COL24A1: variants seen among roughly 807,000 people sequenced by gnomAD.
COL24A1 encodes collagen type XXIV alpha 1 chain, also known as collagen alpha-1(XXIV) chain.
In COL24A1, 224 loss-of-function variants were observed where a neutral mutation model predicts 253.9. That is an observed-to-expected ratio of 0.88 (90% CI 0.79 to 0.99). COL24A1 has a LOEUF of 0.99. COL24A1 is among the 50% of genes least tolerant of loss of function. The probability of loss-of-function intolerance (pLI) is 0.00; values close to 1 mark genes in which losing one functional copy is unlikely to be tolerated. For missense variants in COL24A1, 2,131 were observed against 2,068.5 expected, an observed-to-expected ratio of 1.03 and a Z score of -0.59; for synonymous variants, 685 against 673.7, an observed-to-expected ratio of 1.02 and a Z score of -0.26.
chr1:85,739,967 A>T (rs895163929), intron 57 of COL24A1, among the ~76,000 whole-genome samples: 2 of 152,026 alleles, frequency 1.3e-5, no homozygotes, highest in East Asian at 1.9e-4. Context: ...TTTCATCGGG[A>T]CCTACTATCA....
intron 19 of COL24A1, among the ~76,000 whole-genome samples, chr1:86,000,505 T>A (rs1695292964): frequency 6.6e-6 from 1 of 152,144 alleles, no homozygotes; most frequent in Admixed American, 6.5e-5. Flanking sequence ...CAAATCCAAG[T>A]CATAAAAGAT....
chr1:85,986,134 T>C (rs2100909343), intron 20 of COL24A1, among the ~76,000 whole-genome samples: 1 of 151,952 alleles, frequency 6.6e-6, no homozygotes, highest in East Asian at 1.9e-4. Context: ...TATTATTCAT[T>C]ATGATTATTA....
chr1:86,114,930 A>G (rs1705987896), intron 4 of COL24A1, among the ~76,000 whole-genome samples: 1 of 152,174 alleles, frequency 6.6e-6, no homozygotes, highest in Admixed American at 6.5e-5. Flanking sequence ...TCTAGTCAAT[A>G]GCTTCAGAAT....
chr1:85,803,857 G>C (rs1408095945), intron 47 of COL24A1, among the ~76,000 whole-genome samples: 2 of 152,032 alleles, frequency 1.3e-5, no homozygotes, highest in East Asian at 3.9e-4. Context: ...ACACTGGCTA[G>C]AACCTCATTG....
intron 53 of COL24A1, among the ~76,000 whole-genome samples, chr1:85,773,748 T>G (rs1010910871): frequency 6.6e-6 from 1 of 152,246 alleles, no homozygotes; most frequent in African/African-American, 2.4e-5. Flanking sequence ...TGAAGTTGCT[T>G]ATCAGCTTAA....
At chr1:85,733,348 T>C (rs995309313) in intron 59 of COL24A1, among the ~76,000 whole-genome samples, 3 of 152,122 alleles carry the variant, frequency 2.0e-5, no homozygotes, top group Non-Finnish European at 2.9e-5. Flanking sequence ...ATAGTAAGTA[T>C]TTTACATTTT....
chr1:85,822,078 T>A (rs1273324775), intron 45 of COL24A1, among the ~76,000 whole-genome samples: 1 of 152,218 alleles, frequency 6.6e-6, no homozygotes, highest in Admixed American at 6.5e-5. Context: ...TCTAAGTGAA[T>A]GACTTAACTA....
chr1:85,786,204 A>T, intron 48 of COL24A1, 150 bp downstream of exon 48: 3 of 579,224 alleles, frequency 5.2e-6, no homozygotes, highest in Non-Finnish European at 8.7e-6. Context: ...TGTCAAAACT[A>T]CATACTTTCT....
At chr1:86,016,629 T>C (rs1458275325) in intron 19 of COL24A1, among the ~76,000 whole-genome samples, 1 of 152,232 alleles carries the variant, frequency 6.6e-6, no homozygotes, top group African/African-American at 2.4e-5. Context: ...AAAATCCAAA[T>C]GTTTTATCTC....
intron 24 of COL24A1, among the ~76,000 whole-genome samples, chr1:85,925,480 G>A (rs955189870): frequency 6.6e-6 from 1 of 152,114 alleles, no homozygotes; most frequent in East Asian, 1.9e-4. Flanking sequence ...CAGAGCTATA[G>A]ATCAATGGAA....
intron 2 of COL24A1, among the ~76,000 whole-genome samples, chr1:86,139,072 C>A (rs1246333708): frequency 1.3e-5 from 2 of 151,732 alleles, no homozygotes; most frequent in South Asian, 4.2e-4. Context: ...ACTATATAAA[C>A]ACAGACAGCC....
At chr1:86,062,502 C>A (rs1192439957) in intron 8 of COL24A1, among the ~76,000 whole-genome samples, 1 of 151,812 alleles carries the variant, frequency 6.6e-6, no homozygotes, top group Non-Finnish European at 1.5e-5. Context: ...AAGTATATTA[C>A]CCTCAGAGAT....
intron 45 of COL24A1, among the ~76,000 whole-genome samples, chr1:85,822,335 A>G (rs1014328487): frequency 2.6e-5 from 4 of 152,188 alleles, no homozygotes; most frequent in African/African-American, 9.7e-5. Flanking sequence ...ATCTCAAATC[A>G]TTACTTTTTA....
chr1:85,793,134 CT>C (rs1670468932), intron 47 of COL24A1, among the ~76,000 whole-genome samples: 1 of 151,662 alleles, frequency 6.6e-6, no homozygotes, highest in African/African-American at 2.4e-5. Flanking sequence ...TATTTTCTTG[CT>C]TATGGTAAAA....
At chr1:85,792,303 C>T (rs111843413) in intron 47 of COL24A1, among the ~76,000 whole-genome samples, 1 of 151,716 alleles carries the variant, frequency 6.6e-6, no homozygotes, top group East Asian at 1.9e-4. Context: ...TGAATATCAT[C>T]TATGCATAAG....
intron 43 of COL24A1, among the ~76,000 whole-genome samples, chr1:85,837,399 T>C (rs1676119833): frequency 6.6e-6 from 1 of 152,246 alleles, no homozygotes; most frequent in African/African-American, 2.4e-5. Context: ...TTAATGATAG[T>C]TATCTATCTA....
chr1:85,869,746 C>G (rs1370952381), intron 35 of COL24A1, among the ~76,000 whole-genome samples: 2 of 152,182 alleles, frequency 1.3e-5, no homozygotes, highest in East Asian at 3.9e-4. Context: ...CAAAAACATG[C>G]CAAATTGTAA....
At position 85,868,548 on chromosome 1, in the gene COL24A1, A is replaced by G. The variant is rs1680043325; in HGVS notation, c.3271T>C (p.Leu1091=). The G allele has an allele frequency of 6.2e-7, 1 of 1,613,776 alleles. No homozygotes were observed. The highest frequency in any genetic ancestry group is 1.3e-5 in the African/African-American group (1 of 74,900). ...EMGLPGIIGP[L]GRSGQTGLPG... ...AGGCCTGTTTGGCCTGATCTACCCA[A>G]GGGTCCTATAATTCCTGGTAAGCCC... Residue 1091 remains leucine (L), a synonymous_variant, in exon 37 of 60, where the codon TTG becomes CTG. Transcript: ENST00000370571.
rs191835787 is a variant in COL24A1 at position 85,875,169 on chromosome 1, G to A, written c.3084+108C>T. On this transcript the variant is annotated intron_variant, in intron 34 of 59. Coordinates refer to ENST00000370571, the MANE Select transcript of COL24A1 (RefSeq NM_152890.7). ...AAACATTTCCTGTTTTTATCTGGGG[G>A]CTTCCACCTGCTTTCAAGTTAGCAA... The A allele has an allele frequency of 3.2e-3, 2,866 of 892,504 alleles. 25 individuals are homozygous for A. Among genetic ancestry groups the A allele is most frequent in the Admixed American group, 0.021 (982 of 47,178 alleles). 55.3% of individuals were successfully genotyped at this position (892,504 alleles called of 1,614,324 possible).
Sources: allele counts gnomAD v4.1 joint callset (sites outside exome capture counted in the v4.1 genomes callset), GRCh38; gene constraint gnomAD v4.1.1; transcripts MANE v1.5; gene names NCBI Gene and HGNC (gene_info 2026-07-23, HGNC 2026-07-21).